NTRK2: variants seen among roughly 807,000 people sequenced by gnomAD.
The protein encoded by NTRK2 is BDNF/NT-3 growth factors receptor.
NTRK2 carries 13 observed loss-of-function variants against 94.5 expected under a neutral mutation model. The observed-to-expected ratio is 0.14, with a 90% CI of 0.09 to 0.22. NTRK2 has a LOEUF of 0.22. Among genes scored for constraint, NTRK2 ranks in the 10% least tolerant of loss-of-function variants. The pLI is 1.00. For missense variants in NTRK2, 639 were observed against 1,071.2 expected, an observed-to-expected ratio of 0.60 and a Z score of 5.63; for synonymous variants, 372 against 407.4, an observed-to-expected ratio of 0.91 and a Z score of 1.05.
chr9:84,797,622 A>G (rs1450968595), intron 12 of NTRK2, among the ~76,000 whole-genome samples: 3 of 70,340 alleles, frequency 4.3e-5, no homozygotes, highest in African/African-American at 1.9e-4. Context: ...TATATATACT[A>G]TATATTATAT....
Position 85,021,249 on chromosome 9 carries a change from C to T in NTRK2, c.2332-3C>T, listed in dbSNP as rs1832761579. The T allele has an allele frequency of 6.2e-7, 1 of 1,613,490 alleles. No homozygotes were observed. Among genetic ancestry groups the T allele is most frequent in the Admixed American group, 1.7e-5 (1 of 60,016 alleles). On this transcript the variant is annotated splice_polypyrimidine_tract_variant and splice_region_variant and intron_variant, in intron 18 of 18. Coordinates refer to ENST00000277120, the MANE Select transcript of NTRK2 (RefSeq NM_006180.6). ...TCTCATCCTATCTTTGATCTCCATC[C>T]AGGTGATAGAGTGTATCACTCAGGG... is the stretch of plus-strand genomic sequence containing the variant.
At chr9:84,703,740 T>A (rs1475420500) in intron 4 of NTRK2, among the ~76,000 whole-genome samples, 2 of 152,178 alleles carry the variant, frequency 1.3e-5, no homozygotes, top group African/African-American at 2.4e-5. Context: ...GTCTGTAAAT[T>A]AAGACATAAA....
intron 16 of NTRK2, among the ~76,000 whole-genome samples, chr9:84,949,474 ATTTATT>A (rs1253290846): frequency 1.7e-4 from 26 of 150,186 alleles, no homozygotes; most frequent in Admixed American, 4.0e-4. Context: ...TTATTTATTT[ATTTATT>A]TATTTGAGAC....
chr9:84,986,805 T>G (rs1378505878), intron 17 of NTRK2, among the ~76,000 whole-genome samples: 1 of 152,198 alleles, frequency 6.6e-6, no homozygotes, highest in Non-Finnish European at 1.5e-5. Flanking sequence ...TGCCCATAAT[T>G]GGGGAACCCA....
chr9:84,955,542 C>T (rs753778883), intron 17 of NTRK2, 25 bp downstream of exon 17: 1 of 1,578,050 alleles, frequency 6.3e-7, no homozygotes, highest in Non-Finnish European at 8.7e-7. Context: ...AGATCAGAGA[C>T]CCCAGGGACC....
intron 14 of NTRK2, among the ~76,000 whole-genome samples, chr9:84,880,117 C>A (rs1429936333): frequency 6.6e-6 from 1 of 152,102 alleles, no homozygotes; most frequent in Non-Finnish European, 1.5e-5. Context: ...TCAGAAAATC[C>A]TAGAAAAAGC....
At chr9:84,675,143 G>A (rs35087952) in intron 2 of NTRK2, among the ~76,000 whole-genome samples, 4,982 of 152,162 alleles carry the variant, frequency 0.033, 86 homozygotes, top group Admixed American at 0.048. Flanking sequence ...CCTTATAAAG[G>A]TGTTTTCTAA....
intron 14 of NTRK2, chr9:84,872,968 G>T: frequency 1.9e-6 from 2 of 1,064,390 alleles, no homozygotes; most frequent in East Asian, 5.0e-5. Context: ...TCACAGAACC[G>T]CAGAGGTTTT....
chr9:84,742,662 C>T (rs2063735935), intron 10 of NTRK2, among the ~76,000 whole-genome samples: 1 of 151,736 alleles, frequency 6.6e-6, no homozygotes, highest in South Asian at 2.1e-4. Context: ...ATTATCCCTT[C>T]AGTAACTAAA....
chr9:84,724,141 T>C, intron 7 of NTRK2, 83 bp from the exon 8 acceptor site: 4 of 1,429,208 alleles, frequency 2.8e-6, no homozygotes, highest in Non-Finnish European at 3.9e-6. Context: ...ATATTTTCTC[T>C]AGTTAGGGGA....
chr9:84,683,956 T>C (rs2059550075), intron 2 of NTRK2, among the ~76,000 whole-genome samples: 2 of 152,242 alleles, frequency 1.3e-5, no homozygotes, highest in African/African-American at 4.8e-5. Context: ...AGGATGATGA[T>C]GAGCTTTGGT....
chr9:84,905,337 T>G (rs2077041612), intron 14 of NTRK2, among the ~76,000 whole-genome samples: 1 of 151,352 alleles, frequency 6.6e-6, no homozygotes, highest in African/African-American at 2.4e-5. Context: ...TGCAAGGAAA[T>G]GATGTGGACA....
chr9:85,022,604 C>G lies in NTRK2; in HGVS notation c.*1167C>G, dbSNP rs908790648. 1 of 233,262 alleles carries G rather than the reference C, an allele frequency of 4.3e-6. No individual in the cohort carries two copies. The highest frequency in any genetic ancestry group is 8.5e-6 in the Non-Finnish European group (1 of 118,042). 14.4% of individuals were successfully genotyped at this position (233,262 alleles called of 1,614,324 possible). On this transcript the variant is annotated 3_prime_UTR_variant, in exon 19 of 19. Coordinates refer to ENST00000277120, the MANE Select transcript of NTRK2 (RefSeq NM_006180.6). The stretch of plus-strand genomic sequence containing the variant: ...ACCCCTAACTTCCATGCCCACCCGT[C>G]CTTTTAACTGTGCAAGCAAAATTGT...
At chr9:85,016,832 TTA>T (rs1421259704) in intron 17 of NTRK2, among the ~76,000 whole-genome samples, 6 of 152,172 alleles carry the variant, frequency 3.9e-5, no homozygotes, top group Admixed American at 6.5e-5. Flanking sequence ...AAGGAAAGCA[TTA>T]TTTATAACAG....
intron 11 of NTRK2, among the ~76,000 whole-genome samples, chr9:84,751,296 C>T (rs890123389): frequency 2.0e-5 from 3 of 152,156 alleles, no homozygotes; most frequent in Admixed American, 6.5e-5. Flanking sequence ...CAAGAATTAT[C>T]GGGCTGGATG....
intron 17 of NTRK2, among the ~76,000 whole-genome samples, chr9:84,959,000 T>C (rs1564503089): frequency 1.3e-5 from 2 of 152,302 alleles, no homozygotes; most frequent in East Asian, 1.9e-4. Flanking sequence ...CATCCACCTA[T>C]TGGGTCACTT....
intron 12 of NTRK2, among the ~76,000 whole-genome samples, chr9:84,834,667 G>A (rs772962789): frequency 6.6e-6 from 1 of 152,178 alleles, no homozygotes; most frequent in Non-Finnish European, 1.5e-5. Flanking sequence ...CTACCTCTGC[G>A]CACATGTTGA....
At chr9:84,810,637 A>G in intron 12 of NTRK2, 1 of 1,613,144 alleles carries the variant, frequency 6.2e-7, no homozygotes. Flanking sequence ...TGATGCTGCC[A>G]TGTAAGCTGG....
chr9:84,839,987 C>T (rs2074080602), intron 12 of NTRK2, among the ~76,000 whole-genome samples: 1 of 152,120 alleles, frequency 6.6e-6, no homozygotes, highest in Non-Finnish European at 1.5e-5. Flanking sequence ...GCCAACATCC[C>T]TCCCTTCCTC....
Sources: allele counts gnomAD v4.1 joint callset (sites outside exome capture counted in the v4.1 genomes callset), GRCh38; gene constraint gnomAD v4.1.1; transcripts MANE v1.5; gene names NCBI Gene and HGNC (gene_info 2026-07-23, HGNC 2026-07-21).